C11orf65: variants seen among roughly 807,000 people sequenced by gnomAD.
C11orf65 encodes the protein protein MFI.
In C11orf65, 38 loss-of-function variants were observed where a neutral mutation model predicts 35.3. The observed-to-expected ratio is 1.08, with a 90% CI of 0.83 to 1.41. C11orf65 has a LOEUF of 1.41. Ranked by LOEUF, C11orf65 falls within the 40% of genes most tolerant of loss-of-function variation. The pLI is 0.00. For synonymous variants in C11orf65, 105 were observed against 114.4 expected (o/e 0.92, Z 0.53); for missense variants, 370 against 367.1 (o/e 1.01, Z -0.06).
At chr11:108,308,822 T>G in exon 7 of C11orf65, 1 of 555,506 alleles carries the variant, frequency 1.8e-6, no homozygotes, top group Non-Finnish European at 3.2e-6. Flanking sequence ...TTTTATGCTT[T>G]TCAGTGTCTT....
At chr11:108,344,047 A>C (rs2087959792) in intron 2 of C11orf65, among the ~76,000 whole-genome samples, 1 of 152,194 alleles carries the variant, frequency 6.6e-6, no homozygotes, top group African/African-American at 2.4e-5. Context: ...AACTTGCCCA[A>C]GGCCAGTGAG....
chr11:108,449,502 C>T (rs1478626736), intron 2 of C11orf65, among the ~76,000 whole-genome samples: 1 of 151,986 alleles, frequency 6.6e-6, no homozygotes, highest in African/African-American at 2.4e-5. Context: ...ACCATCTGCT[C>T]TTTGACAAAC....
intron 2 of C11orf65, among the ~76,000 whole-genome samples, chr11:108,442,560 A>G (rs2093173217): frequency 6.6e-6 from 1 of 152,196 alleles, no homozygotes. Context: ...AAAAAATATT[A>G]AGGGCAGCCA....
intron 2 of C11orf65, among the ~76,000 whole-genome samples, chr11:108,342,401 C>A (rs1591242488): frequency 1.3e-5 from 2 of 152,038 alleles, no homozygotes; most frequent in Non-Finnish European, 2.9e-5. Context: ...GAATAAAAAA[C>A]CAAATTACAG....
At position 108,406,944 on chromosome 11, in the gene C11orf65, A is replaced by G. The variant is rs758000808; in HGVS notation, c.248T>C (p.Ile83Thr). The G allele has an allele frequency of 1.1e-5, 17 of 1,610,450 alleles. No individual in the cohort carries two copies. The highest frequency in any genetic ancestry group is 1.3e-5 in the African/African-American group (1 of 74,874). The change falls in exon 5 of 9, where the codon ATA becomes ACA. Residue 83 changes from isoleucine (I) to threonine (T), a missense_variant. Coordinates refer to ENST00000393084, the MANE Select transcript of C11orf65 (RefSeq NM_152587.5). ...TCTGTGAGTAAAAATCTTATAGTAT[A>G]TATCAGGTGGAAATTTAACCTGTAG... is the stretch of plus-strand genomic sequence containing the variant. ...RLGGVKFPPD[I>T]YYKIFTHRPI...
At chr11:108,357,415 G>T (rs227050) in intron 2 of C11orf65, among the ~76,000 whole-genome samples, 79,339 of 151,720 alleles carry the variant, frequency 0.52, 21,592 homozygotes, top group Middle Eastern at 0.73. Context: ...CAAAGCAGCC[G>T]GGAAGCTCGA....
At chr11:108,437,744 A>T (rs147995785) in intron 2 of C11orf65, among the ~76,000 whole-genome samples, 13,557 of 142,064 alleles carry the variant, frequency 0.095, 887 homozygotes, top group Non-Finnish European at 0.14. Context: ...AAAAAGGATA[A>T]GGAAATTAAA....
At chr11:108,334,555 G>A (rs2086624485) in intron 3 of C11orf65, among the ~76,000 whole-genome samples, 1 of 152,098 alleles carries the variant, frequency 6.6e-6, no homozygotes, top group Non-Finnish European at 1.5e-5. Flanking sequence ...TCATTTTGCA[G>A]TTTAGTGCTT....
intron 3 of C11orf65, among the ~76,000 whole-genome samples, chr11:108,427,418 A>G (rs116683998): frequency 0.017 from 2,239 of 135,358 alleles, 66 homozygotes; most frequent in African/African-American, 0.056. Flanking sequence ...TATGTGGTCA[A>G]CAAACATATT....
chr11:108,425,392 A>T (rs1162336099), intron 3 of C11orf65, among the ~76,000 whole-genome samples: 1 of 152,224 alleles, frequency 6.6e-6, no homozygotes, highest in South Asian at 2.1e-4. Flanking sequence ...AAACTAGAAA[A>T]TCTAGAAGAA....
intron 3 of C11orf65, chr11:108,333,872 A>C (rs1328908562): frequency 6.3e-7 from 1 of 1,586,140 alleles, no homozygotes; most frequent in Non-Finnish European, 8.7e-7. Context: ...AAATCTCTTC[A>C]TTTTTAAATA....
chr11:108,465,268 C>T (rs1458904354), intron 1 of C11orf65, among the ~76,000 whole-genome samples: 2 of 152,178 alleles, frequency 1.3e-5, no homozygotes, highest in Admixed American at 6.5e-5. Flanking sequence ...CTGCTTCCTG[C>T]TTCTCTAGTG....
At chr11:108,415,717 G>A (rs1419638614) in intron 3 of C11orf65, among the ~76,000 whole-genome samples, 2 of 152,146 alleles carry the variant, frequency 1.3e-5, no homozygotes, top group Non-Finnish European at 2.9e-5. Context: ...GACTTACCAC[G>A]AAACTACAAT....
At chr11:108,443,544 C>T (rs1298800779) in intron 2 of C11orf65, among the ~76,000 whole-genome samples, 1 of 152,152 alleles carries the variant, frequency 6.6e-6, no homozygotes, top group Admixed American at 6.6e-5. Context: ...TCACACGACA[C>T]CTATCCCAAA....
At chr11:108,392,218 T>C (rs973299855) in intron 7 of C11orf65, among the ~76,000 whole-genome samples, 1 of 152,168 alleles carries the variant, frequency 6.6e-6, no homozygotes, top group Admixed American at 6.5e-5. Context: ...GGGATAATTA[T>C]TGATTTTTTG....
intron 2 of C11orf65, 23 bp from the exon 3 acceptor site, chr11:108,431,861 T>C (rs746633756): frequency 1.4e-6 from 2 of 1,383,564 alleles, no homozygotes; most frequent in South Asian, 3.0e-5. Context: ...ACACAAGATT[T>C]CATGATCAAA....
intron 6 of C11orf65, among the ~76,000 whole-genome samples, chr11:108,325,848 A>G (rs995340398): frequency 2.0e-5 from 3 of 152,302 alleles, no homozygotes; most frequent in African/African-American, 4.8e-5. Flanking sequence ...ACAGATACAC[A>G]TACATACATA....
chr11:108,406,389 C>T (rs1183448060), intron 5 of C11orf65, among the ~76,000 whole-genome samples: 2 of 152,096 alleles, frequency 1.3e-5, no homozygotes, highest in Non-Finnish European at 2.9e-5. Context: ...TGCAGTGGTG[C>T]CATCTCAGCT....
intron 7 of C11orf65, among the ~76,000 whole-genome samples, chr11:108,390,550 G>C (rs1298151665): frequency 6.6e-6 from 1 of 152,126 alleles, no homozygotes; most frequent in African/African-American, 2.4e-5. Context: ...TGGTACAAGG[G>C]AAAGGCAGAG....
Sources: allele counts gnomAD v4.1 joint callset (sites outside exome capture counted in the v4.1 genomes callset), GRCh38; gene constraint gnomAD v4.1.1; transcripts MANE v1.5; gene names NCBI Gene and HGNC (gene_info 2026-07-23, HGNC 2026-07-21).